Variants in NUDCD3 observed in about 807,000 individuals in gnomAD.
NUDCD3 encodes NudC domain containing 3.
In NUDCD3, 13 loss-of-function variants were observed where a neutral mutation model predicts 39.7. The observed-to-expected ratio is 0.33, with a 90% CI of 0.21 to 0.52. The LOEUF (loss-of-function observed/expected upper bound fraction) is 0.52, where lower values mean the gene tolerates loss of function less well. Among genes scored for constraint, NUDCD3 ranks in the 20% least tolerant of loss-of-function variants. The pLI is 0.96. For synonymous variants in NUDCD3, 175 were observed against 172.4 expected (o/e 1.02, Z -0.12); for missense variants, 453 against 458.1 (o/e 0.99, Z 0.10).
At chr7:44,392,112 C>T (rs1798528190) in intron 5 of NUDCD3, among the ~76,000 whole-genome samples, 185 bp downstream of exon 5, 1 of 152,230 alleles carries the variant, frequency 6.6e-6, no homozygotes, top group Admixed American at 6.5e-5. Context: ...CCAGAGTGCA[C>T]CTGTGAGGCA....
intron 3 of NUDCD3, among the ~76,000 whole-genome samples, chr7:44,406,863 T>C (rs1020351042): frequency 6.6e-6 from 1 of 152,040 alleles, no homozygotes; most frequent in Non-Finnish European, 1.5e-5. Context: ...ACAAATCCTA[T>C]AGGGTAGGAG....
chr7:44,456,812 A>C (rs563264337), intron 2 of NUDCD3, among the ~76,000 whole-genome samples: 2 of 152,310 alleles, frequency 1.3e-5, no homozygotes, highest in Admixed American at 1.3e-4. Context: ...GCTAGAAGAA[A>C]ATGGAGGAAT....
intron 3 of NUDCD3, among the ~76,000 whole-genome samples, chr7:44,421,487 CAAAA>C (rs35044732): frequency 1.6e-4 from 18 of 111,442 alleles, no homozygotes; most frequent in Middle Eastern, 5.0e-3. Flanking sequence ...AAATGGAAAG[CAAAA>C]AAAAAAAAAA....
At chr7:44,452,302 G>T (rs921703658) in intron 2 of NUDCD3, among the ~76,000 whole-genome samples, 1 of 152,242 alleles carries the variant, frequency 6.6e-6, no homozygotes, top group Non-Finnish European at 1.5e-5. Context: ...GTTAGCTGGG[G>T]ATGGGGGCGC....
At chr7:44,397,300 T>C (rs922739670) in intron 4 of NUDCD3, among the ~76,000 whole-genome samples, 1 of 152,232 alleles carries the variant, frequency 6.6e-6, no homozygotes, top group Non-Finnish European at 1.5e-5. Context: ...TTCCATTGTT[T>C]TGCAATCAGG....
At position 44,382,006 on chromosome 7, in the gene NUDCD3, C is replaced by T. The variant is rs1798313465; in HGVS notation, c.*4005G>A. ...TGTGAGGGGTAGCCGGGCCTGACCT[C>T]TCTTCCCTGGCACGATGCTGTCTCC... On this transcript the variant is annotated 3_prime_UTR_variant, in exon 6 of 6. Transcript: ENST00000355451. The T allele has an allele frequency of 6.6e-6, 1 of 152,252 alleles. No homozygotes were observed. Among genetic ancestry groups the T allele is most frequent in the African/African-American group, 2.4e-5 (1 of 41,458 alleles). 9.4% of individuals were successfully genotyped at this position (152,252 alleles called of 1,614,324 possible). A position where few individuals can be genotyped will look rare whatever the true frequency, so the allele number is the denominator to read the frequency against.
intron 2 of NUDCD3, among the ~76,000 whole-genome samples, chr7:44,468,460 CG>C (rs1397862971): frequency 1.3e-5 from 2 of 151,998 alleles, no homozygotes; most frequent in Non-Finnish European, 2.9e-5. Context: ...ACTGAATGCC[CG>C]GTCTCTAGAC....
chr7:44,401,357 AT>A (rs1468625931), intron 4 of NUDCD3, among the ~76,000 whole-genome samples: 1 of 152,244 alleles, frequency 6.6e-6, no homozygotes, highest in African/African-American at 2.4e-5. Context: ...TAAATAAATA[AT>A]TATATCAAGA....
chr7:44,430,566 ACACT>A (rs1554491043), intron 2 of NUDCD3, among the ~76,000 whole-genome samples: 2,497 of 137,224 alleles, frequency 0.018, 28 homozygotes, highest in Non-Finnish European at 0.023. Flanking sequence ...ACACACACAC[ACACT>A]CACACACACA....
intron 4 of NUDCD3, among the ~76,000 whole-genome samples, chr7:44,394,440 G>A (rs914019700): frequency 6.6e-6 from 1 of 152,168 alleles, no homozygotes; most frequent in Non-Finnish European, 1.5e-5. Context: ...TTACCAAGCT[G>A]ATGCAATGAA....
chr7:44,415,147 G>A (rs941984628), intron 3 of NUDCD3, among the ~76,000 whole-genome samples: 1 of 152,224 alleles, frequency 6.6e-6, no homozygotes, highest in African/African-American at 2.4e-5. Context: ...AACCCACCAT[G>A]AGAGTTTTCT....
intron 2 of NUDCD3, among the ~76,000 whole-genome samples, chr7:44,435,375 G>C (rs986831670): frequency 6.6e-6 from 1 of 152,140 alleles, no homozygotes; most frequent in Non-Finnish European, 1.5e-5. Flanking sequence ...CATGCTGAAA[G>C]GACACATGAG....
chr7:44,388,979 C>T (rs952711861), intron 5 of NUDCD3, among the ~76,000 whole-genome samples: 4 of 152,256 alleles, frequency 2.6e-5, no homozygotes, highest in Non-Finnish European at 5.9e-5. Context: ...AGTCTACGGG[C>T]TCCCCCATGC....
At chr7:44,462,416 A>G (rs1384943799) in intron 2 of NUDCD3, among the ~76,000 whole-genome samples, 1 of 152,246 alleles carries the variant, frequency 6.6e-6, no homozygotes, top group Non-Finnish European at 1.5e-5. Context: ...TAACAGATAC[A>G]TAACTTATAC....
intron 2 of NUDCD3, among the ~76,000 whole-genome samples, chr7:44,436,116 A>AT (rs1491034994): frequency 1.3e-5 from 2 of 152,202 alleles, no homozygotes. Flanking sequence ...AGAAAAAAAA[A>AT]TTTTTTGAGA....
intron 2 of NUDCD3, among the ~76,000 whole-genome samples, chr7:44,470,429 T>C (rs1236266184): frequency 6.6e-6 from 1 of 152,164 alleles, no homozygotes; most frequent in Non-Finnish European, 1.5e-5. Flanking sequence ...GCAAATCCTA[T>C]AGGACAGAGC....
chr7:44,477,805 CTT>C (rs927111269), intron 2 of NUDCD3, among the ~76,000 whole-genome samples: 29 of 131,682 alleles, frequency 2.2e-4, no homozygotes, highest in African/African-American at 7.6e-4. Flanking sequence ...TTTACAAAGT[CTT>C]TACTATGAAC....
At chr7:44,396,243 C>A (rs999288795) in intron 4 of NUDCD3, among the ~76,000 whole-genome samples, 1 of 152,158 alleles carries the variant, frequency 6.6e-6, no homozygotes, top group Non-Finnish European at 1.5e-5. Flanking sequence ...TTCCATCTGT[C>A]ATCACTGTAA....
At chr7:44,415,506 C>T (rs894012967) in intron 3 of NUDCD3, among the ~76,000 whole-genome samples, 4 of 152,012 alleles carry the variant, frequency 2.6e-5, no homozygotes, top group Admixed American at 1.3e-4. Context: ...TTAAATGTTA[C>T]GATGTAAAAT....
Sources: gnomAD v4.1 joint callset for allele counts (sites outside exome capture counted in the v4.1 genomes callset) on GRCh38, gnomAD v4.1.1 for gene constraint, MANE v1.5 for transcripts, NCBI Gene and HGNC (gene_info 2026-07-23, HGNC 2026-07-21) for gene names.